The following MC2R variants were observed in gnomAD, a reference collection of about 807,000 sequenced individuals.
MC2R encodes melanocortin 2 receptor, also known as adrenocorticotropic hormone receptor.
A neutral mutation model predicts 9.8 loss-of-function variants in MC2R; 9 were observed. The observed-to-expected ratio is 0.92, with a 90% confidence interval of 0.55 to 1.60. The LOEUF (loss-of-function observed/expected upper bound fraction) is 1.60. Ranked by LOEUF, MC2R falls within the 40% of genes most tolerant of loss-of-function variation. The pLI, the probability that MC2R is intolerant of heterozygous loss-of-function variation, is 0.00. For synonymous variants in MC2R, 185 were observed against 154.7 expected (o/e 1.20, Z -1.45); for missense variants, 370 against 389.0 (o/e 0.95, Z 0.41).
chr18:13,883,532 G>T lies in MC2R; in HGVS notation c.*1093C>A, dbSNP rs1253177383. The T allele has an allele frequency of 6.9e-6, 1 of 144,650 alleles. No individual in the cohort carries two copies. Among genetic ancestry groups the T allele is most frequent in the African/African-American group, 2.6e-5 (1 of 38,942 alleles). The allele number at this position is 144,650 out of a possible 1,614,324, so 9.0% of individuals were successfully genotyped here. On this transcript the variant is annotated 3_prime_UTR_variant, in exon 2 of 2. Coordinates refer to ENST00000327606, the MANE Select transcript of MC2R (RefSeq NM_000529.2). ...TAACAGCACCATTGCTTGATGTCTT[G>T]CTTTGGTTTTGGTTTTCCCCATAGT...
At chr18:13,890,189 C>A (rs913882478) in intron 1 of MC2R, among the ~76,000 whole-genome samples, 1 of 152,024 alleles carries the variant, frequency 6.6e-6, no homozygotes, top group African/African-American at 2.4e-5. Flanking sequence ...CTGTAGACAC[C>A]ACTTGTGGTT....
intron 1 of MC2R, among the ~76,000 whole-genome samples, chr18:13,903,085 GAAAAGGTGCT>G (rs2045390224): frequency 6.6e-6 from 1 of 152,210 alleles, no homozygotes; most frequent in Non-Finnish European, 1.5e-5. Flanking sequence ...ACAGGCATAT[GAAAAGGTGCT>G]CAACATCATT....
chr18:13,908,714 G>C (rs2045428000), intron 1 of MC2R, among the ~76,000 whole-genome samples: 1 of 140,866 alleles, frequency 7.1e-6, no homozygotes, highest in Non-Finnish European at 1.5e-5. Flanking sequence ...TCTTGTGTGT[G>C]TGTGTGTGTG....
In MC2R at chr18:13,884,069, G is replaced by T; in HGVS notation, c.*556C>A. 6.2e-6 allele frequency: 1 copy of T among 162,048 alleles called. No individual in the cohort carries two copies. The highest frequency in any genetic ancestry group is 1.4e-5 in the Non-Finnish European group (1 of 73,700). The allele number at this position is 162,048 out of a possible 1,614,324, so 10.0% of individuals were successfully genotyped here. A position where few individuals can be genotyped will look rare whatever the true frequency, so the allele number is the denominator to read the frequency against. On this transcript the variant is annotated 3_prime_UTR_variant, in exon 2 of 2. Coordinates refer to ENST00000327606, the MANE Select transcript of MC2R (RefSeq NM_000529.2). Reference sequence around the variant, plus strand: ...AGGGTGGAGATTCCACATGGCTGTGGGAGACAGACAAATTCAGCTGCAGCA... The same window carrying T: ...AGGGTGGAGATTCCACATGGCTGTGTGAGACAGACAAATTCAGCTGCAGCA...
At chr18:13,909,145 C>T (rs2045430430) in intron 1 of MC2R, among the ~76,000 whole-genome samples, 1 of 152,146 alleles carries the variant, frequency 6.6e-6, no homozygotes, top group South Asian at 2.1e-4. Flanking sequence ...TCAGACTTCC[C>T]TTGCTTTTGA....
At chr18:13,892,038 G>C (rs932450340) in intron 1 of MC2R, among the ~76,000 whole-genome samples, 1 of 152,180 alleles carries the variant, frequency 6.6e-6, no homozygotes, top group Non-Finnish European at 1.5e-5. Context: ...GGCCAGGCAG[G>C]GTTTTGCATA....
At chr18:13,899,629 C>T (rs1461347582) in intron 1 of MC2R, among the ~76,000 whole-genome samples, 1 of 152,036 alleles carries the variant, frequency 6.6e-6, no homozygotes, top group Non-Finnish European at 1.5e-5. Context: ...AGAAAAGAAA[C>T]AACAGTGGAG....
At chr18:13,914,857 C>T (rs2045467132) in intron 1 of MC2R, among the ~76,000 whole-genome samples, 1 of 152,212 alleles carries the variant, frequency 6.6e-6, no homozygotes, top group African/African-American at 2.4e-5. Context: ...GGTGCAAACA[C>T]TTTGCAGGAG....
At chr18:13,904,746 A>G (rs1446851608) in intron 1 of MC2R, among the ~76,000 whole-genome samples, 1 of 152,110 alleles carries the variant, frequency 6.6e-6, no homozygotes, top group Admixed American at 6.5e-5. Context: ...AACACCACAC[A>G]TCTACAACCA....
intron 1 of MC2R, among the ~76,000 whole-genome samples, chr18:13,895,978 C>G (rs1940898): frequency 0.11 from 16,702 of 152,200 alleles, 1,007 homozygotes; most frequent in East Asian, 0.19. Flanking sequence ...GAGGAAGATA[C>G]TGGCTCTTTT....
chr18:13,896,880 CA>C, intron 1 of MC2R, among the ~76,000 whole-genome samples: 1 of 152,264 alleles, frequency 6.6e-6, no homozygotes, highest in South Asian at 2.1e-4. Flanking sequence ...ATATACTCCG[CA>C]AGTCCATACA....
chr18:13,891,925 G>A (rs2045317759), intron 1 of MC2R, among the ~76,000 whole-genome samples: 1 of 152,146 alleles, frequency 6.6e-6, no homozygotes, highest in South Asian at 2.1e-4. Flanking sequence ...AGAAGAAAAA[G>A]ACTGGAAAAA....
intron 1 of MC2R, among the ~76,000 whole-genome samples, chr18:13,901,650 C>A (rs1229340978): frequency 6.6e-6 from 1 of 151,992 alleles, no homozygotes. Context: ...GACAAATTCC[C>A]AGATACATAT....
Position 13,885,335 on chromosome 18 carries a change from A to T in MC2R, c.184T>A (p.Phe62Ile). 1 of 1,614,202 alleles carries T rather than the reference A, an allele frequency of 6.2e-7. No individual in the cohort carries two copies. The highest frequency in any genetic ancestry group is 1.6e-4 in the Middle Eastern group (1 of 6,062). The change falls in exon 2 of 2, where the codon TTC becomes ATC. Residue 62 changes from phenylalanine (F) to isoleucine (I), a missense_variant. Coordinates refer to ENST00000327606, the MANE Select transcript of MC2R (RefSeq NM_000529.2). ...NKNLQAPMYFFICSLAISDML... is the reference protein window; with the variant it reads ...NKNLQAPMYFIICSLAISDML... ...TCAGATATGGCCAAGCTACAGATGA[A>T]AAAGTACATGGGTGCCTGGAGATTC...
Position 13,885,531 on chromosome 18 carries a change from T to C in MC2R, c.-13A>G. 1.2e-6 allele frequency: 2 copies of C among 1,614,104 alleles called. No individual in the cohort carries two copies. The highest frequency in any genetic ancestry group is 1.7e-5 in the Admixed American group (1 of 60,012). The stretch of plus-strand genomic sequence containing the variant: ...TAATGTGCTTCATTTCTCCTGCTTG[T>C]GGTTAAGGCGGGGATGTTACTTGGA... On this transcript the variant is annotated 5_prime_UTR_variant, in exon 2 of 2. Transcript: ENST00000327606.
At chr18:13,906,045 C>T (rs2045412331) in intron 1 of MC2R, among the ~76,000 whole-genome samples, 1 of 152,026 alleles carries the variant, frequency 6.6e-6, no homozygotes, top group Admixed American at 6.6e-5. Flanking sequence ...TTGCACTCCA[C>T]CCTGGTGACA....
In MC2R at chr18:13,885,192, C is replaced by T. The variant is rs548348876; in HGVS notation, c.327G>A (p.Leu109=). ...ETTADDIIDS[L]FVLSLLGSIF... ...TGGAGCCAAGCAGGGAGAGGACAAA[C>T]AGGGAGTCGATGATGTCATCGGCTG... is the stretch of plus-strand genomic sequence containing the variant. Residue 109 remains leucine (L), a synonymous_variant, in exon 2 of 2, where the codon CTG becomes CTA. Transcript: ENST00000327606. 6.2e-7 allele frequency: 1 copy of T among 1,614,170 alleles called. No individual in the cohort carries two copies. Among genetic ancestry groups the T allele is most frequent in the African/African-American group, 1.3e-5 (1 of 75,048 alleles).
intron 1 of MC2R, among the ~76,000 whole-genome samples, chr18:13,897,156 C>A (rs533995869): frequency 5.8e-4 from 88 of 152,322 alleles, no homozygotes; most frequent in Non-Finnish European, 9.6e-4. Context: ...ACACCACCCC[C>A]CCAAACCCCC....
chr18:13,914,870 T>C (rs2045467239), intron 1 of MC2R, among the ~76,000 whole-genome samples: 1 of 152,226 alleles, frequency 6.6e-6, no homozygotes, highest in East Asian at 1.9e-4. Context: ...TGCAGGAGTA[T>C]GTGATAATCA....
Sources: allele counts gnomAD v4.1 joint callset (sites outside exome capture counted in the v4.1 genomes callset), GRCh38; gene constraint gnomAD v4.1.1; transcripts MANE v1.5; gene names NCBI Gene and HGNC (gene_info 2026-07-23, HGNC 2026-07-21).